Variants in POLR3B observed in about 807,000 individuals in gnomAD.
POLR3B encodes the protein DNA-directed RNA polymerase III subunit RPC2.
A neutral mutation model predicts 147.4 loss-of-function variants in POLR3B; 96 were observed. That is an observed-to-expected ratio of 0.65 (90% CI 0.55 to 0.77). The LOEUF (loss-of-function observed/expected upper bound fraction) is 0.77. Among genes scored for constraint, POLR3B ranks in the 30% least tolerant of loss-of-function variants. POLR3B has a pLI of 0.00. For missense variants in POLR3B, 1,036 were observed against 1,413.5 expected (o/e 0.73, Z 4.28); for synonymous variants, 461 against 485.9 (o/e 0.95, Z 0.67).
chr12:106,378,544 A>C (rs2036713388), intron 8 of POLR3B, among the ~76,000 whole-genome samples, 160 bp downstream of exon 8: 1 of 152,188 alleles, frequency 6.6e-6, no homozygotes. Flanking sequence ...GTCTGGAAGC[A>C]TAGGGTACTG....
chr12:106,507,139 T>C (rs1164181145), intron 27 of POLR3B, among the ~76,000 whole-genome samples: 1 of 152,098 alleles, frequency 6.6e-6, no homozygotes, highest in Non-Finnish European at 1.5e-5. Flanking sequence ...AAATCCCTAT[T>C]AAGGTAATTA....
chr12:106,380,411 C>CAAAAAAAAAA (rs147457953), intron 9 of POLR3B, among the ~76,000 whole-genome samples: 4 of 98,994 alleles, frequency 4.0e-5, no homozygotes, highest in African/African-American at 7.4e-5. Context: ...CCATCTCTAC[C>CAAAAAAAAAA]AAAAAAAAAA....
chr12:106,373,128 C>T (rs891628634), intron 6 of POLR3B, among the ~76,000 whole-genome samples: 3 of 152,116 alleles, frequency 2.0e-5, no homozygotes, highest in African/African-American at 7.2e-5. Flanking sequence ...GTTGTTTAGA[C>T]GTTTTGTATC....
At chr12:106,361,693 T>C (rs2036471459) in intron 1 of POLR3B, among the ~76,000 whole-genome samples, 1 of 152,012 alleles carries the variant, frequency 6.6e-6, no homozygotes, top group Admixed American at 6.6e-5. Context: ...TTTCAAACAG[T>C]GTTGTTTGAA....
At chr12:106,414,480 A>G (rs929943577) in intron 12 of POLR3B, among the ~76,000 whole-genome samples, 2 of 152,112 alleles carry the variant, frequency 1.3e-5, no homozygotes, top group African/African-American at 2.4e-5. Flanking sequence ...AAGTCTTCTT[A>G]CATGATTCTG....
chr12:106,496,493 A>G, intron 24 of POLR3B: 1 of 599,416 alleles, frequency 1.7e-6, no homozygotes, highest in Non-Finnish European at 2.9e-6. Flanking sequence ...ACCTCTTACC[A>G]GCTGTGTGGC....
chr12:106,467,419 C>T (rs1219229905), intron 23 of POLR3B, among the ~76,000 whole-genome samples: 1 of 152,208 alleles, frequency 6.6e-6, no homozygotes, highest in Non-Finnish European at 1.5e-5. Context: ...TTGACTTCCT[C>T]TCTTCCTATC....
rs114462936 is a variant in POLR3B at position 106,453,593 on chromosome 12, C to G, written c.2084-909C>G. Among the ~76,000 whole-genome samples the G allele has an allele frequency of 1.0e-2, 1,521 of 152,228 alleles. 20 individuals carry two copies. Among genetic ancestry groups the G allele is most frequent in the African/African-American group, 0.034 (1,425 of 41,526 alleles). On this transcript the variant is annotated intron_variant, in intron 19 of 27. Transcript: ENST00000228347. ...TTAAAGAGGCTCAGTAGCCCACACT[C>G]AAGCTCAGCAGTAGAGCAAGCCTGA...
At chr12:106,411,798 GT>G (rs1346768988) in intron 12 of POLR3B, among the ~76,000 whole-genome samples, 1 of 152,190 alleles carries the variant, frequency 6.6e-6, no homozygotes, top group East Asian at 1.9e-4. Context: ...TTTCAAGACT[GT>G]GTATCTCTTT....
In POLR3B at chr12:106,427,230, A is replaced by G; in HGVS notation, c.1135A>G (p.Lys379Glu). The part of the protein sequence containing the change: ...LSLLFEDLFK[K>E]FNSEMKKIAD... ...TCTTCTTTTTGAAGACTTGTTCAAA[A>G]AATTTAATTCTGAAATGAAAAAGAT... Residue 379 changes from lysine (K) to glutamate (E), a missense_variant, in exon 13 of 28, where the codon AAA (lysine) becomes GAA (glutamate). Physicochemically the swap from Lys to Glu is moderately conservative, Grantham distance 56. Coordinates refer to ENST00000228347, the MANE Select transcript of POLR3B (RefSeq NM_018082.6). 1.2e-6 allele frequency: 2 copies of G among 1,606,710 alleles called. No individual in the cohort carries two copies. Among genetic ancestry groups the G allele is most frequent in the Non-Finnish European group, 1.7e-6 (2 of 1,175,090 alleles).
intron 11 of POLR3B, chr12:106,410,140 A>G (rs2037206230): frequency 6.6e-6 from 1 of 152,366 alleles, no homozygotes; most frequent in Non-Finnish European, 1.5e-5. Flanking sequence ...TTAGTGGCTT[A>G]ATGTAACTGT....
chr12:106,471,764 A>G (rs1215710101), intron 23 of POLR3B, among the ~76,000 whole-genome samples: 4 of 152,188 alleles, frequency 2.6e-5, no homozygotes, highest in Non-Finnish European at 5.9e-5. Context: ...AGGTAGGGGA[A>G]GTGACGGAGG....
Position 106,461,650 on chromosome 12 carries a change from T to C in POLR3B, c.2571-1828T>C, listed in dbSNP as rs141780051. Among the ~76,000 whole-genome samples, 7 of 152,316 alleles carry C rather than the reference T, an allele frequency of 4.6e-5. No homozygotes were observed. The East Asian group carries it at 1.4e-3, about 29-fold the overall frequency. On this transcript the variant is annotated intron_variant, in intron 22 of 27. Coordinates refer to ENST00000228347, the MANE Select transcript of POLR3B (RefSeq NM_018082.6). ...AGTCTCTGGCATAGTACCTGGCACA[T>C]AGTGGGTATTCAGTAAATAGTTATG...
intron 9 of POLR3B, 145 bp from the exon 10 acceptor site, chr12:106,392,886 G>A: frequency 1.1e-6 from 1 of 939,844 alleles, no homozygotes; most frequent in Non-Finnish European, 1.6e-6. Flanking sequence ...GGGCAAGGCT[G>A]CCAATGCCAG....
At chr12:106,476,941 A>G (rs975853679) in intron 23 of POLR3B, among the ~76,000 whole-genome samples, 17 of 151,114 alleles carry the variant, frequency 1.1e-4, no homozygotes, top group South Asian at 6.3e-4. Context: ...GAGGAGAGGC[A>G]CTCTGCGTTG....
intron 16 of POLR3B, among the ~76,000 whole-genome samples, chr12:106,435,970 C>T (rs78169124): frequency 0.01 from 1,532 of 152,236 alleles, 15 homozygotes; most frequent in Non-Finnish European, 0.015. Context: ...TCTCCTCCGC[C>T]GGTTTCTGTC....
At chr12:106,477,471 C>G (rs570942703) in intron 23 of POLR3B, among the ~76,000 whole-genome samples, 1 of 142,624 alleles carries the variant, frequency 7.0e-6, no homozygotes, top group Non-Finnish European at 1.5e-5. Context: ...GCCTCGCTGC[C>G]GCCTTGCCGT....
intron 25 of POLR3B, among the ~76,000 whole-genome samples, chr12:106,498,225 A>G (rs760571008): frequency 9.2e-5 from 14 of 152,222 alleles, no homozygotes; most frequent in Non-Finnish European, 1.8e-4. Flanking sequence ...TATGTTTGAC[A>G]CTTTGCCAGG....
In POLR3B at chr12:106,427,360, T is replaced by C. The variant is rs774526181; in HGVS notation, c.1263+2T>C. On this transcript the variant is annotated splice_donor_variant, in intron 13 of 27. Transcript: ENST00000228347. LOFTEE classifies it high-confidence loss of function. Reference sequence around the variant, plus strand: ...GGCATGGTGAATGCTATTTCTACCGTAAGTCTTCAGTCACTCTTTTAGGAT... The same window carrying C: ...GGCATGGTGAATGCTATTTCTACCGCAAGTCTTCAGTCACTCTTTTAGGAT... The C allele has an allele frequency of 6.8e-5, 110 of 1,612,360 alleles. No homozygotes were observed. Among genetic ancestry groups the C allele is most frequent in the Non-Finnish European group, 9.1e-5 (107 of 1,178,630 alleles).
Sources: allele counts gnomAD v4.1 joint callset (sites outside exome capture counted in the v4.1 genomes callset), GRCh38; gene constraint gnomAD v4.1.1; transcripts MANE v1.5; gene names NCBI Gene and HGNC (gene_info 2026-07-23, HGNC 2026-07-21).